HDAC2: variants seen among roughly 807,000 people sequenced by gnomAD.
HDAC2 encodes histone deacetylase 2, also known as YY1-associated factor 1.
A neutral mutation model predicts 68.5 loss-of-function variants in HDAC2; 5 were observed. That is an observed-to-expected ratio of 0.07 (90% confidence interval 0.04 to 0.15). HDAC2 has a LOEUF of 0.15. Ranked by LOEUF, HDAC2 falls within the 10% of genes least tolerant of loss-of-function variation. The pLI is 1.00. For missense variants in HDAC2, 291 were observed against 600.8 expected, an observed-to-expected ratio of 0.48 and a Z score of 5.39; for synonymous variants, 182 against 191.3, an observed-to-expected ratio of 0.95 and a Z score of 0.40.
At chr6:113,952,864 A>G (rs1776453195) in intron 6 of HDAC2, among the ~76,000 whole-genome samples, 1 of 152,216 alleles carries the variant, frequency 6.6e-6, no homozygotes, top group Non-Finnish European at 1.5e-5. Context: ...TTAAAATTAG[A>G]TCTACTAAAA....
intron 13 of HDAC2, 79 bp downstream of exon 13, chr6:113,941,629 T>C: frequency 1.8e-6 from 1 of 545,440 alleles, no homozygotes; most frequent in Non-Finnish European, 3.2e-6. Flanking sequence ...TTCTGAAGTG[T>C]GTACACAAAC....
rs1350464771 is a variant in HDAC2, at chr6:113,935,859, T to C, written c.*5199A>G. 6.6e-6 allele frequency: 1 copy of C among 152,218 alleles called. No individual in the cohort carries two copies. The highest frequency in any genetic ancestry group is 1.5e-5 in the Non-Finnish European group (1 of 68,030). 9.4% of individuals were successfully genotyped at this position (152,218 alleles called of 1,614,324 possible). A position where few individuals can be genotyped will look rare whatever the true frequency, so the allele number is the denominator to read the frequency against. Reference sequence around the variant, plus strand: ...TCAAAGACCAAAGGGGTTAGGTACTTAGTTCAGTAAACAAAAGTCGTGGAA... The same window carrying C: ...TCAAAGACCAAAGGGGTTAGGTACTCAGTTCAGTAAACAAAAGTCGTGGAA... On this transcript the variant is annotated 3_prime_UTR_variant, in exon 14 of 14. Coordinates refer to ENST00000519065, the MANE Select transcript of HDAC2 (RefSeq NM_001527.4).
At chr6:113,965,737 T>A (rs762757645) in intron 1 of HDAC2, among the ~76,000 whole-genome samples, 4 of 152,212 alleles carry the variant, frequency 2.6e-5, no homozygotes, top group Admixed American at 6.5e-5. Flanking sequence ...TTTTGTCTAT[T>A]TGGCACACAG....
Position 113,946,153 on chromosome 6 carries a change from G to A in HDAC2, c.842-5C>T. On this transcript the variant is annotated splice_region_variant and splice_polypyrimidine_tract_variant and intron_variant, in intron 8 of 13. Transcript: ENST00000519065. ...CTTCTACACATTTAGCATGACCTAA[G>A]ACAAGAAGATTTGGGTAACAACAAA... is the stretch of plus-strand genomic sequence containing the variant. The A allele has an allele frequency of 6.2e-7, 1 of 1,607,590 alleles. No homozygotes were observed. Among genetic ancestry groups the A allele is most frequent in the Non-Finnish European group, 8.5e-7 (1 of 1,176,412 alleles).
chr6:113,957,011 T>C (rs1343323307), intron 3 of HDAC2: 1 of 207,680 alleles, frequency 4.8e-6, no homozygotes, highest in Non-Finnish European at 9.7e-6. Flanking sequence ...TTTCTAGGCC[T>C]TTCCCCTTAA....
intron 1 of HDAC2, among the ~76,000 whole-genome samples, chr6:113,962,919 G>A (rs1393654813): frequency 1.4e-5 from 2 of 147,384 alleles, no homozygotes; most frequent in East Asian, 2.0e-4. Flanking sequence ...AGCCGAGATC[G>A]TGCCACTGCA....
In HDAC2 at chr6:113,944,342, T is replaced by C. The variant is rs1329909710; in HGVS notation, c.1160A>G (p.Glu387Gly). ...APGVQMQAIP[E>G]DAVHEDSGDE... ...TCCACTGTCTTCATGAACAGCATCT[T>C]CTGGAATAGCTTGCATCTGGACACC... The change falls in exon 11 of 14, where the codon GAA (glutamate) becomes GGA (glycine). Residue 387 changes from glutamate (E) to glycine (G), a missense_variant. Around this residue, in one of 2 missense-constraint regions of HDAC2, gnomAD observed 137 missense variants for 128.7 expected, o/e 1.06. Coordinates refer to ENST00000519065, the MANE Select transcript of HDAC2 (RefSeq NM_001527.4). 19 of 1,613,036 alleles carry C rather than the reference T, an allele frequency of 1.2e-5. No individual in the cohort carries two copies. Among genetic ancestry groups the C allele is most frequent in the Non-Finnish European group, 1.5e-5 (18 of 1,179,116 alleles).
intron 5 of HDAC2, among the ~76,000 whole-genome samples, chr6:113,955,507 G>C (rs1206627308): frequency 6.6e-6 from 1 of 152,082 alleles, no homozygotes; most frequent in Non-Finnish European, 1.5e-5. Flanking sequence ...CACGGCACTG[G>C]CCTTTTATAC....
intron 13 of HDAC2, 71 bp from the exon 14 acceptor site, chr6:113,941,159 T>C (rs1046464212): frequency 1.1e-5 from 12 of 1,129,452 alleles, no homozygotes; most frequent in Non-Finnish European, 1.6e-5. Context: ...CCTATTATAT[T>C]GATCAGGTCC....
chr6:113,949,210 T>G lies in HDAC2; in HGVS notation c.690A>C (p.Arg230Ser). The G allele has an allele frequency of 6.2e-7, 1 of 1,609,562 alleles. No individual in the cohort carries two copies. The highest frequency in any genetic ancestry group is 8.5e-7 in the Non-Finnish European group (1 of 1,175,918). The change falls in exon 7 of 14, where the codon AGA becomes AGC. Residue 230 changes from arginine (R) to serine (S), a missense_variant. Transcript: ENST00000519065. ...GKYYAVNFPMRDGIDDESYGQ... is the reference protein window; with the variant it reads ...GKYYAVNFPMSDGIDDESYGQ... ...CATATGACTCATCATCTATACCATC[T>G]CTCATTGGAAAATTGACAGCATAGT...
intron 4 of HDAC2, chr6:113,956,392 CA>C (rs1776554947): frequency 3.5e-6 from 2 of 564,574 alleles, no homozygotes; most frequent in Non-Finnish European, 6.2e-6. Flanking sequence ...ACCTAGAAGA[CA>C]AAGGGAATGA....
At chr6:113,953,668 T>C (rs1582486881) in intron 5 of HDAC2, among the ~76,000 whole-genome samples, 1 of 152,326 alleles carries the variant, frequency 6.6e-6, no homozygotes, top group South Asian at 2.1e-4. Flanking sequence ...TTCTACATGC[T>C]TCAAAAACAT....
At chr6:113,958,174 A>G (rs1776600634) in intron 3 of HDAC2, among the ~76,000 whole-genome samples, 2 of 152,186 alleles carry the variant, frequency 1.3e-5, no homozygotes. Flanking sequence ...AAAATAAAAT[A>G]CTTTTAACCT....
Position 113,971,058 on chromosome 6 carries a change from G to A in HDAC2, c.-150C>T. ...GAAGGGCAGGCCGGTGGGAGGAGAG[G>A]AGGGGGCGCCGGGAAGGCTCGGTAC... On this transcript the variant is annotated 5_prime_UTR_variant, in exon 1 of 14. Transcript: ENST00000519065. 1 of 1,561,364 alleles carries A rather than the reference G, an allele frequency of 6.4e-7. No individual in the cohort carries two copies. The highest frequency in any genetic ancestry group is 8.7e-7 in the Non-Finnish European group (1 of 1,151,870).
rs972523397 is a variant in HDAC2 at position 113,970,819 on chromosome 6, C to T, written c.52+38G>A. On this transcript the variant is annotated intron_variant, in intron 1 of 13. Coordinates refer to ENST00000519065, the MANE Select transcript of HDAC2 (RefSeq NM_001527.4). ...GGCAGCCGCGGAACCCAGCGCCCGG[C>T]CCCGCGCGCCCACCCCGACACCGGC... 12 of 1,516,872 alleles carry T rather than the reference C, an allele frequency of 7.9e-6. No individual in the cohort carries two copies. In the African/African-American group the frequency reaches 1.7e-4, roughly 21 times the overall value. 94.0% of individuals were successfully genotyped at this position (1,516,872 alleles called of 1,614,324 possible). A position where few individuals can be genotyped will look rare whatever the true frequency, so the allele number is the denominator to read the frequency against.
chr6:113,942,478 T>C (rs183308890), intron 12 of HDAC2, among the ~76,000 whole-genome samples: 15 of 150,146 alleles, frequency 1.0e-4, no homozygotes, highest in Admixed American at 6.0e-4. Context: ...TTCAATTTGA[T>C]AGACATAGGA....
At position 113,939,867 on chromosome 6, in the gene HDAC2, C is replaced by T. The variant is rs1247759045; in HGVS notation, c.*1191G>A. The T allele has an allele frequency of 6.6e-6, 1 of 152,076 alleles. No individual in the cohort carries two copies. Among genetic ancestry groups the T allele is most frequent in the African/African-American group, 2.4e-5 (1 of 41,388 alleles). The allele number at this position is 152,076 out of a possible 1,614,324, so 9.4% of individuals were successfully genotyped here. A position where few individuals can be genotyped will look rare whatever the true frequency, so the allele number is the denominator to read the frequency against. ...GTGAATGTCTGAAACATTTAAGAGG[C>T]TTGTAGAGAAATATTTTTTCTTTTA... On this transcript the variant is annotated 3_prime_UTR_variant, in exon 14 of 14. Transcript: ENST00000519065.
Position 113,937,106 on chromosome 6 carries a change from A to G in HDAC2, c.*3952T>C, listed in dbSNP as rs1300031226. ...ACTATTATTTTCCTCATTTTAAATG[A>G]TGAAGCAACTGAGGCACAGAGGTTA... On this transcript the variant is annotated 3_prime_UTR_variant, in exon 14 of 14. Transcript: ENST00000519065. 1 of 152,250 alleles carries G rather than the reference A, an allele frequency of 6.6e-6. No homozygotes were observed. The highest frequency in any genetic ancestry group is 2.4e-5 in the African/African-American group (1 of 41,460). The allele number at this position is 152,250 out of a possible 1,614,324, so 9.4% of individuals were successfully genotyped here.
At chr6:113,948,419 C>G (rs1317563588) in intron 8 of HDAC2, 1 of 152,450 alleles carries the variant, frequency 6.6e-6, no homozygotes, top group Non-Finnish European at 1.5e-5. Context: ...AATCTGAACA[C>G]ATGAAGATAC....
Sources: allele counts gnomAD v4.1 joint callset (sites outside exome capture counted in the v4.1 genomes callset), GRCh38; gene constraint gnomAD v4.1.1; regional missense constraint gnomAD v4.1.1; transcripts MANE v1.5; gene names NCBI Gene and HGNC (gene_info 2026-07-23, HGNC 2026-07-21).